The following LAMB2 variants were observed in gnomAD, a reference collection of about 807,000 sequenced individuals.
LAMB2 encodes laminin subunit beta-2.
Under a neutral mutation model 202.7 loss-of-function variants are expected in LAMB2, and 119 were observed. The ratio of observed to expected loss-of-function variants is 0.59; its 90% confidence interval spans 0.51 to 0.68. The LOEUF (loss-of-function observed/expected upper bound fraction) is 0.68, where lower values mean the gene tolerates loss of function less well. Among genes scored for constraint, LAMB2 ranks in the 30% least tolerant of loss-of-function variants. The pLI is 0.00. For missense variants in LAMB2, 2,124 were observed against 2,410.6 expected (o/e 0.88, Z 2.49); for synonymous variants, 818 against 902.2 (o/e 0.91, Z 1.67).
chr3:49,122,737 CT>C lies in LAMB2; in HGVS notation c.4539del (p.Glu1514AsnfsTer6). 1 of 1,614,180 alleles carries C rather than the reference CT, an allele frequency of 6.2e-7. No individual in the cohort carries two copies. Among genetic ancestry groups the C allele is most frequent in the Non-Finnish European group, 8.5e-7 (1 of 1,180,024 alleles). ...GQVEQANQEL[Q>X]ELIQSVKDFL... ...AAGTCCTTCACACTCTGGATAAGTTCTTGAAGTTCCTGGTTGGCCTGTTCCA... is the reference window on the plus strand; with the variant it reads ...AAGTCCTTCACACTCTGGATAAGTTCTGAAGTTCCTGGTTGGCCTGTTCCA... On this transcript the variant is annotated frameshift_variant, in exon 27 of 32. Coordinates refer to ENST00000305544, the MANE Select transcript of LAMB2 (RefSeq NM_002292.4). LOFTEE classifies it high-confidence loss of function.
chr3:49,124,335 C>G lies in LAMB2; in HGVS notation c.3328-49G>C, dbSNP rs766742393. On this transcript the variant is annotated intron_variant, in intron 22 of 31. Coordinates refer to ENST00000305544, the MANE Select transcript of LAMB2 (RefSeq NM_002292.4). ...CAGAGCCTCTATAAGAGGCTAAGCCCTGGAGATAAGACAGACACCTGGCCC... is the reference window on the plus strand; with the variant it reads ...CAGAGCCTCTATAAGAGGCTAAGCCGTGGAGATAAGACAGACACCTGGCCC... 1.9e-6 allele frequency: 3 copies of G among 1,613,452 alleles called. No homozygotes were observed. In the East Asian group the frequency reaches 6.7e-5, roughly 36 times the overall value.
Position 49,132,291 on chromosome 3 carries a change from C to T in LAMB2, c.364G>A (p.Ala122Thr). The T allele has an allele frequency of 6.2e-7, 1 of 1,614,250 alleles. No individual in the cohort carries two copies. The highest frequency in any genetic ancestry group is 1.1e-5 in the South Asian group (1 of 91,086). Residue 122 changes from alanine to threonine, a missense_variant, in exon 3 of 32, where the codon GCC becomes ACC. By Grantham distance (58) the Ala-to-Thr change is moderately conservative (BLOSUM62 0). Transcript: ENST00000305544. The surrounding 1 kb of genome is among the most constrained non-coding windows in gnomAD (Gnocchi z 4.6). The stretch of plus-strand genomic sequence containing the variant: ...TCACCATTCTCTGACTGCCACCAGG[C>T]TGCCCGCCGCTGTGGTGCAAAGCTG... ...VTSFAPQRRA[A>T]WWQSENGIPA...
At position 49,124,490 on chromosome 3, in the gene LAMB2, G is replaced by A. The variant is rs143284092; in HGVS notation, c.3232C>T (p.Arg1078Cys). Residue 1078 changes from arginine to cysteine, a missense_variant, in exon 22 of 32, where the codon CGC becomes TGC. Physicochemically the swap from Arg to Cys is radical, Grantham distance 180 (BLOSUM62 -3). Transcript: ENST00000305544. The part of the protein sequence containing the change: ...LPNVQGPSCD[R>C]CAPNFWNLTS... ...AGGTTCCAGAAGTTGGGGGCACAGC[G>A]GTCACAGCTAGGGCCCTGGACATTG... The A allele has an allele frequency of 6.1e-5, 98 of 1,613,664 alleles. 1 individual carries two copies. The Admixed American group carries it at 1.2e-3, about 21-fold the overall frequency.
Position 49,130,567 on chromosome 3 carries a change from T to C in LAMB2, c.1037-148A>G. Reference sequence around the variant, plus strand: ...AGGCCTCAGCATCATACTGGTTCCCTACCCAGAGCAGACTGCAGAGGAGGA... The same window carrying C: ...AGGCCTCAGCATCATACTGGTTCCCCACCCAGAGCAGACTGCAGAGGAGGA... On this transcript the variant is annotated intron_variant, in intron 8 of 31. Transcript: ENST00000305544. This position sits in a 1 kb window ranked among gnomAD's most constrained non-coding sequence, Gnocchi z 5.0. 3 of 1,344,232 alleles carry C rather than the reference T, an allele frequency of 2.2e-6. No individual in the cohort carries two copies. The highest frequency in any genetic ancestry group is 3.2e-6 in the Non-Finnish European group (3 of 945,530). 83.3% of individuals were successfully genotyped at this position (1,344,232 alleles called of 1,614,324 possible).
chr3:49,123,555 T>C lies in LAMB2; in HGVS notation c.3874A>G (p.Asn1292Asp), dbSNP rs1480076472. 2 of 1,614,068 alleles carry C rather than the reference T, an allele frequency of 1.2e-6. No individual in the cohort carries two copies. Among genetic ancestry groups the C allele is most frequent in the African/African-American group, 2.7e-5 (2 of 74,932 alleles). Residue 1292 changes from asparagine to aspartate, a missense_variant, in exon 25 of 32, where the codon AAT becomes GAT. Asn to Asp is a conservative substitution (Grantham distance 23). Coordinates refer to ENST00000305544, the MANE Select transcript of LAMB2 (RefSeq NM_002292.4). ...DLTDVQDENF[N>D]ANHALSGLER... ...AGACCACTTAGTGCATGGTTGGCAT[T>C]GAAGTTCTCATCTTGCACATCTGTC...
Position 49,125,738 on chromosome 3 carries a change from G to C in LAMB2, c.2488+9C>G. The C allele has an allele frequency of 1.2e-6, 2 of 1,613,580 alleles. No homozygotes were observed. Among genetic ancestry groups the C allele is most frequent in the Non-Finnish European group, 1.7e-6 (2 of 1,179,636 alleles). On this transcript the variant is annotated intron_variant, in intron 18 of 31. Transcript: ENST00000305544. ...GAAGCATAGGAGGGAACAAGGGGCA[G>C]AAGAGTACCTTGACAGCCTGTGGGG... is the stretch of plus-strand genomic sequence containing the variant.
intron 15 of LAMB2, among the ~76,000 whole-genome samples, chr3:49,127,772 A>C (rs1357213175): frequency 6.9e-6 from 1 of 144,958 alleles, no homozygotes; most frequent in East Asian, 2.1e-4. Context: ...TGTAATCCCA[A>C]CACTTTGGGA....
At position 49,130,307 on chromosome 3, in the gene LAMB2, C is replaced by A. The variant is rs775795212; in HGVS notation, c.1149G>T (p.Gly383=). The change falls in exon 9 of 32, where the codon GGG becomes GGT. Residue 383 remains glycine (G), a synonymous_variant. Coordinates refer to ENST00000305544, the MANE Select transcript of LAMB2 (RefSeq NM_002292.4). The surrounding 1 kb of genome is among the most constrained non-coding windows in gnomAD (Gnocchi z 5.0). ...AGGGCCGACAGAGCTCACAGTGGCG[C>A]CCAGCTGTGTTATGCTGACATCCAT... ...VCDGCQHNTA[G]RHCELCRPFF... is the part of the protein sequence containing the mutation. 3 of 1,614,216 alleles carry A rather than the reference C, an allele frequency of 1.9e-6. No individual in the cohort carries two copies. Among genetic ancestry groups the A allele is most frequent in the South Asian group, 2.2e-5 (2 of 91,090 alleles).
In LAMB2 at chr3:49,122,184, A is replaced by G. The variant is rs1174333192; in HGVS notation, c.4760T>C (p.Leu1587Pro). ...VGDVRRAEQL[L>P]QDARRARSWA... ...AGACCTTGCCCGCCGTGCATCCTGC[A>G]GTAGCTGCTCGGCACGACGCACATC... The change falls in exon 28 of 32, where the codon CTG becomes CCG. Residue 1587 changes from leucine (L) to proline (P), a missense_variant. Physicochemically the swap from Leu to Pro is moderately conservative, Grantham distance 98 (BLOSUM62 -3). This residue lies in a region of LAMB2 where 1,702 missense variants were observed against 1,896.3 expected (regional missense o/e 0.90). Transcript: ENST00000305544. The G allele has an allele frequency of 6.2e-7, 1 of 1,613,516 alleles. No homozygotes were observed. The highest frequency in any genetic ancestry group is 8.5e-7 in the Non-Finnish European group (1 of 1,180,056).
At position 49,124,065 on chromosome 3, in the gene LAMB2, G is replaced by A; in HGVS notation, c.3460C>T (p.Gln1154Ter). 6.2e-7 allele frequency: 1 copy of A among 1,613,952 alleles called. No homozygotes were observed. Residue 1154 changes from glutamine to a stop codon, truncating the protein, a stop_gained, in exon 24 of 32, where the codon CAG becomes TAG. Transcript: ENST00000305544. LOFTEE classifies it high-confidence loss of function. ...CAGTGACCTGTGAAGCGGTGACACT[G>A]AGGTGTATCTATTCCACGAGAGTCA... ...DCDSRGIDTP[Q>*]CHRFTGHCSC... is the part of the protein sequence containing the mutation.
At position 49,128,489 on chromosome 3, in the gene LAMB2, G is replaced by A. The variant is rs756114040; in HGVS notation, c.1987C>T (p.Arg663Cys). ...LCGHLVPKDD[R>C]IQGTLQPHAR... ...TGTGGTTGCAGAGTCCCTTGGATGC[G>A]ATCATCCTTGGGCACCAAATGCCCA... The change falls in exon 15 of 32, where the codon CGC becomes TGC. Residue 663 changes from arginine to cysteine, a missense_variant. Physicochemically the swap from Arg to Cys is radical, Grantham distance 180. Coordinates refer to ENST00000305544, the MANE Select transcript of LAMB2 (RefSeq NM_002292.4). 5.0e-6 allele frequency: 8 copies of A among 1,613,986 alleles called. No homozygotes were observed. In the African/African-American group the frequency reaches 5.3e-5, roughly 11 times the overall value.
intron 16 of LAMB2, 60 bp from the exon 17 acceptor site, chr3:49,126,219 A>G (rs2045413138): frequency 6.2e-7 from 1 of 1,603,982 alleles, no homozygotes; most frequent in Non-Finnish European, 8.5e-7. Flanking sequence ...GCATTGCCAG[A>G]GCACTTGCCT....
Position 49,130,302 on chromosome 3 carries a change from T to C in LAMB2, c.1154A>G (p.His385Arg), listed in dbSNP as rs376892699. 6.2e-6 allele frequency: 10 copies of C among 1,614,088 alleles called. No individual in the cohort carries two copies. In the African/African-American group the frequency reaches 1.1e-4, roughly 17 times the overall value. The change falls in exon 9 of 32, where the codon CAC (histidine) becomes CGC (arginine). Residue 385 changes from histidine to arginine, a missense_variant. His to Arg is a conservative substitution (Grantham distance 29, BLOSUM62 0). Around this residue, in one of 3 missense-constraint regions of LAMB2, gnomAD observed 1,702 missense variants for 1,896.3 expected, o/e 0.90. Transcript: ENST00000305544. The surrounding 1 kb of genome is among the most constrained non-coding windows in gnomAD (Gnocchi z 5.0). ...DGCQHNTAGR[H>R]CELCRPFFYR... ...GAAGAAGGGCCGACAGAGCTCACAG[T>C]GGCGCCCAGCTGTGTTATGCTGACA...
chr3:49,131,912 A>G lies in LAMB2; in HGVS notation c.460-189T>C, dbSNP rs536307556. 6.6e-6 allele frequency among the ~76,000 whole-genome samples: 1 copy of G among 152,320 alleles called. No individual in the cohort carries two copies. Among genetic ancestry groups the G allele is most frequent in the African/African-American group, 2.4e-5 (1 of 41,564 alleles). ...GGGAGACTCAGGGTTCATGGGGCTC[A>G]GGGAGACAGCGCCTGACCCAGCCTG... On this transcript the variant is annotated intron_variant, in intron 4 of 31. Coordinates refer to ENST00000305544, the MANE Select transcript of LAMB2 (RefSeq NM_002292.4). This position sits in a 1 kb window ranked among gnomAD's most constrained non-coding sequence, Gnocchi z 5.0.
At position 49,123,477 on chromosome 3, in the gene LAMB2, G is replaced by A. The variant is rs2107637630; in HGVS notation, c.3952C>T (p.Leu1318Phe). 6.2e-7 allele frequency: 1 copy of A among 1,614,162 alleles called. No individual in the cohort carries two copies. Among genetic ancestry groups the A allele is most frequent in the African/African-American group, 1.3e-5 (1 of 75,056 alleles). The change falls in exon 25 of 32, where the codon CTT becomes TTT. Residue 1318 changes from leucine (L) to phenylalanine (F), a missense_variant. This residue lies in a region of LAMB2 where 1,702 missense variants were observed against 1,896.3 expected (regional missense o/e 0.90). Coordinates refer to ENST00000305544, the MANE Select transcript of LAMB2 (RefSeq NM_002292.4). ...NLTLRQLDQH[L>F]DLLKHSNFLG... ...AAGTTTGAATGTTTGAGCAAGTCAA[G>A]ATGCTGGTCGAGCTGCCGCAGTGTG...
At position 49,121,210 on chromosome 3, in the gene LAMB2, A is replaced by G; in HGVS notation, c.*16T>C. On this transcript the variant is annotated 3_prime_UTR_variant, in exon 32 of 32. Transcript: ENST00000305544. ...GTGGGGCAGTGCTAGGAACTGGGGT[A>G]GGCCTTGGGCAGGGGTCACTGGCAG... The G allele has an allele frequency of 1.2e-6, 2 of 1,612,056 alleles. No homozygotes were observed. The highest frequency in any genetic ancestry group is 1.7e-6 in the Non-Finnish European group (2 of 1,179,980).
rs2045444304 is a variant in LAMB2, at chr3:49,128,476, G to A, written c.2000C>T (p.Thr667Ile). ...LVPKDDRIQG[T>I]LQPHARYLIF... ...CCCTCACCTGGCATGTGGTTGCAGA[G>A]TCCCTTGGATGCGATCATCCTTGGG... Residue 667 changes from threonine (T) to isoleucine (I), a missense_variant, in exon 15 of 32, where the codon ACT (threonine) becomes ATT (isoleucine). Physicochemically the swap from Thr to Ile is moderately conservative, Grantham distance 89. Coordinates refer to ENST00000305544, the MANE Select transcript of LAMB2 (RefSeq NM_002292.4). 3 of 1,614,056 alleles carry A rather than the reference G, an allele frequency of 1.9e-6. No individual in the cohort carries two copies. In the African/African-American group the frequency reaches 4.0e-5, roughly 21 times the overall value.
Position 49,131,560 on chromosome 3 carries a change from T to G in LAMB2, c.623A>C (p.Glu208Ala), listed in dbSNP as rs1161539848. 2 of 1,613,794 alleles carry G rather than the reference T, an allele frequency of 1.2e-6. No individual in the cohort carries two copies. Among genetic ancestry groups the G allele is most frequent in the Non-Finnish European group, 1.7e-6 (2 of 1,180,022 alleles). ...CTCGCCTTCAGTGGATGGCTCAATC[T>G]CTGAGTAGCGGGACTCACAGACTAC... ...DDVVCESRYS[E>A]IEPSTEGEVI... Residue 208 changes from glutamate to alanine, a missense_variant, in exon 5 of 32, where the codon GAG (glutamate) becomes GCG (alanine). By Grantham distance (107) the Glu-to-Ala change is moderately radical. Around this residue, in one of 3 missense-constraint regions of LAMB2, gnomAD observed 256 missense variants for 356.1 expected, o/e 0.72. Transcript: ENST00000305544. This position sits in a 1 kb window ranked among gnomAD's most constrained non-coding sequence, Gnocchi z 5.0.
chr3:49,129,227 C>T lies in LAMB2; in HGVS notation c.1598+18G>A, dbSNP rs770071651. The T allele has an allele frequency of 3.5e-5, 56 of 1,614,026 alleles. No homozygotes were observed. In the Admixed American group the frequency reaches 3.7e-4, roughly 11 times the overall value. The stretch of plus-strand genomic sequence containing the variant: ...GATCTTTCCCCATCCCTTCCCAGGC[C>T]CCCTTTACAACACTTACTGGGGATC... On this transcript the variant is annotated intron_variant, in intron 12 of 31. Transcript: ENST00000305544. The surrounding 1 kb of genome is among the most constrained non-coding windows in gnomAD (Gnocchi z 6.1).
Sources: gnomAD v4.1 joint callset for allele counts (sites outside exome capture counted in the v4.1 genomes callset) on GRCh38, gnomAD v4.1.1 for gene constraint, gnomAD v4.1.1 regional missense constraint, Gnocchi (gnomAD v3.1) non-coding constraint, MANE v1.5 for transcripts, NCBI Gene and HGNC (gene_info 2026-07-23, HGNC 2026-07-21) for gene names.